The following MOB3B variants were observed in gnomAD, a reference collection of about 807,000 sequenced individuals.
The protein encoded by MOB3B is MOB kinase activator-like 2B.
A neutral mutation model predicts 18.7 loss-of-function variants in MOB3B; 7 were observed. The observed-to-expected ratio is 0.37, with a 90% CI of 0.21 to 0.70. The LOEUF is 0.70. MOB3B is among the 30% of genes least tolerant of loss of function. The pLI, the probability that MOB3B is intolerant of heterozygous loss-of-function variation, is 0.52. For synonymous variants in MOB3B, 111 were observed against 99.9 expected, an observed-to-expected ratio of 1.11 and a Z score of -0.66; for missense variants, 253 against 281.3, an observed-to-expected ratio of 0.90 and a Z score of 0.72.
chr9:27,334,885 G>A (rs1162124797), intron 3 of MOB3B, among the ~76,000 whole-genome samples: 1 of 152,052 alleles, frequency 6.6e-6, no homozygotes, highest in Non-Finnish European at 1.5e-5. Flanking sequence ...GCGCAGTGGC[G>A]CGATCTCGGC....
intron 1 of MOB3B, among the ~76,000 whole-genome samples, chr9:27,510,048 T>G (rs1264229165): frequency 6.6e-6 from 1 of 152,166 alleles, no homozygotes; most frequent in Non-Finnish European, 1.5e-5. Flanking sequence ...TGTAACAGAT[T>G]TGAGTAACAC....
At chr9:27,410,123 A>T (rs1452386738) in intron 2 of MOB3B, among the ~76,000 whole-genome samples, 3 of 152,248 alleles carry the variant, frequency 2.0e-5, no homozygotes, top group East Asian at 1.9e-4. Context: ...ACAAATTTTT[A>T]AAAAATGTTT....
chr9:27,388,877 A>T (rs1190291106), intron 2 of MOB3B, among the ~76,000 whole-genome samples: 1 of 152,042 alleles, frequency 6.6e-6, no homozygotes, highest in Admixed American at 6.6e-5. Context: ...GATCCTATCG[A>T]TGCCACTCCT....
chr9:27,353,601 T>C (rs1888379), intron 3 of MOB3B, among the ~76,000 whole-genome samples: 1 of 151,894 alleles, frequency 6.6e-6, no homozygotes, highest in African/African-American at 2.4e-5. Flanking sequence ...GGAGAGAGAA[T>C]GAGAAGGTCC....
intron 2 of MOB3B, among the ~76,000 whole-genome samples, chr9:27,407,693 T>C (rs1266090946): frequency 6.6e-6 from 1 of 152,080 alleles, no homozygotes; most frequent in Non-Finnish European, 1.5e-5. Flanking sequence ...GTCATTCTTA[T>C]CTCTTCTGCA....
At chr9:27,343,596 T>C (rs932029627) in intron 3 of MOB3B, among the ~76,000 whole-genome samples, 1 of 151,684 alleles carries the variant, frequency 6.6e-6, no homozygotes, top group African/African-American at 2.4e-5. Context: ...GAAAACAATA[T>C]GAATTTTACA....
chr9:27,462,913 A>G (rs1819316415), intron 1 of MOB3B, among the ~76,000 whole-genome samples: 2 of 152,222 alleles, frequency 1.3e-5, no homozygotes, highest in African/African-American at 2.4e-5. Flanking sequence ...AATTTTCAAA[A>G]GATCATAAGT....
rs58980862 is a variant in MOB3B, at chr9:27,365,421, A to C, written c.419-6185T>G. 3.8e-3 allele frequency among the ~76,000 whole-genome samples: 573 copies of C among 149,126 alleles called. 3 individuals carry two copies. Among genetic ancestry groups the C allele is most frequent in the African/African-American group, 0.013 (521 of 40,582 alleles). On this transcript the variant is annotated intron_variant, in intron 2 of 3. Transcript: ENST00000262244. ...GTTAATTTTCAGTCACTGTACTCAG[A>C]AAGTTAATGCCAGACAACATTAACC...
intron 2 of MOB3B, among the ~76,000 whole-genome samples, chr9:27,407,220 T>C (rs7022101): frequency 0.043 from 6,594 of 152,244 alleles, 415 homozygotes; most frequent in African/African-American, 0.15. Context: ...GCATTTACCA[T>C]CTGAGTTTAG....
chr9:27,481,511 G>GTTTTTTTTTTTTTTTTTTTTT (rs536716885), intron 1 of MOB3B, among the ~76,000 whole-genome samples: 1 of 69,650 alleles, frequency 1.4e-5, no homozygotes, highest in Non-Finnish European at 3.8e-5. Context: ...TTTTTTTTTT[G>GTTTTTTTTTTTTTTTTTTTTT]TTTTTTTTGT....
At chr9:27,462,755 T>A (rs181999500) in intron 1 of MOB3B, among the ~76,000 whole-genome samples, 1 of 152,336 alleles carries the variant, frequency 6.6e-6, no homozygotes, top group East Asian at 1.9e-4. Flanking sequence ...AGCCACTAAG[T>A]GAACTTGAGT....
intron 2 of MOB3B, among the ~76,000 whole-genome samples, chr9:27,405,932 G>T (rs1821961795): frequency 6.6e-6 from 1 of 152,086 alleles, no homozygotes; most frequent in African/African-American, 2.4e-5. Context: ...ACCTCAACAT[G>T]ATAAAAGCCA....
At chr9:27,414,893 G>A (rs1822122863) in intron 2 of MOB3B, among the ~76,000 whole-genome samples, 1 of 151,378 alleles carries the variant, frequency 6.6e-6, no homozygotes, top group Admixed American at 6.6e-5. Flanking sequence ...TTTTTGAGAC[G>A]CTCTGTCACC....
At chr9:27,390,961 C>T (rs1410527985) in intron 2 of MOB3B, among the ~76,000 whole-genome samples, 1 of 152,206 alleles carries the variant, frequency 6.6e-6, no homozygotes, top group African/African-American at 2.4e-5. Flanking sequence ...TGCTGGCATC[C>T]TGATCTTGGC....
At chr9:27,412,039 C>T (rs888853758) in intron 2 of MOB3B, among the ~76,000 whole-genome samples, 1 of 152,166 alleles carries the variant, frequency 6.6e-6, no homozygotes, top group Non-Finnish European at 1.5e-5. Flanking sequence ...TTAATTAACC[C>T]TGAACCATTT....
intron 1 of MOB3B, among the ~76,000 whole-genome samples, chr9:27,482,712 C>T (rs1234908278): frequency 1.3e-5 from 2 of 152,210 alleles, no homozygotes; most frequent in African/African-American, 2.4e-5. Flanking sequence ...CCAAGTGAAG[C>T]ATTCTCTAAA....
At chr9:27,492,649 A>T (rs1356193580) in intron 1 of MOB3B, among the ~76,000 whole-genome samples, 4 of 152,230 alleles carry the variant, frequency 2.6e-5, no homozygotes, top group African/African-American at 9.6e-5. Flanking sequence ...GGTTTACAGC[A>T]ATTACTAATT....
intron 2 of MOB3B, among the ~76,000 whole-genome samples, chr9:27,454,791 G>A (rs1417257357): frequency 6.6e-6 from 1 of 152,178 alleles, no homozygotes; most frequent in African/African-American, 2.4e-5. Context: ...CAGAGTCCAT[G>A]TAACTTTAGT....
At chr9:27,447,051 C>A (rs1374342804) in intron 2 of MOB3B, among the ~76,000 whole-genome samples, 1 of 152,024 alleles carries the variant, frequency 6.6e-6, no homozygotes, top group Non-Finnish European at 1.5e-5. Flanking sequence ...TCTGCAGAGA[C>A]CTTTGCAGAT....
Sources: gnomAD v4.1 joint callset for allele counts (sites outside exome capture counted in the v4.1 genomes callset) on GRCh38, gnomAD v4.1.1 for gene constraint, MANE v1.5 for transcripts, NCBI Gene and HGNC (gene_info 2026-07-23, HGNC 2026-07-21) for gene names.